Variants in CLTC observed in about 807,000 individuals in gnomAD.
The protein encoded by CLTC is clathrin heavy chain 1.
CLTC carries 16 observed loss-of-function variants against 195.8 expected under a neutral mutation model. That is an observed-to-expected ratio of 0.08 (90% CI 0.06 to 0.12). The LOEUF is 0.12. CLTC is among the 10% of genes least tolerant of loss of function. The probability of loss-of-function intolerance (pLI) is 1.00; values close to 1 mark genes in which losing one functional copy is unlikely to be tolerated. For missense variants in CLTC, 796 were observed against 2,027.0 expected (o/e 0.39, Z 11.66); for synonymous variants, 667 against 689.4 (o/e 0.97, Z 0.51).
At position 59,666,396 on chromosome 17, in the gene CLTC, TTAAACCTTAATCTG is replaced by T. The variant is rs1230286216; in HGVS notation, c.1783-80_1783-67del. The T allele has an allele frequency of 6.5e-7, 1 of 1,533,642 alleles. No individual in the cohort carries two copies. The highest frequency in any genetic ancestry group is 1.4e-5 in the African/African-American group (1 of 72,658). The stretch of plus-strand genomic sequence containing the variant: ...TCTTTTGTACTTTAACAGTTCACTA[TTAAACCTTAATCTG>T]TAATACGGATATTGAATTACTCATG... On this transcript the variant is annotated intron_variant, in intron 11 of 31. Coordinates refer to ENST00000269122, the MANE Select transcript of CLTC (RefSeq NM_004859.4). The surrounding 1 kb of genome is among the most constrained non-coding windows in gnomAD (Gnocchi z 4.9).
intron 1 of CLTC, among the ~76,000 whole-genome samples, chr17:59,641,252 AAC>A (rs1301004972): frequency 6.6e-6 from 1 of 152,196 alleles, no homozygotes; most frequent in Admixed American, 6.6e-5. Context: ...GTAGTAGAAT[AAC>A]ACTACATTCA....
At chr17:59,668,283 A>G (rs1226769720) in intron 13 of CLTC, among the ~76,000 whole-genome samples, 3 of 152,206 alleles carry the variant, frequency 2.0e-5, no homozygotes, top group Non-Finnish European at 4.4e-5. Flanking sequence ...TAGGGGCACA[A>G]TGGTGTATGC....
At position 59,648,980 on chromosome 17, in the gene CLTC, T is replaced by A. The variant is rs1055828331; in HGVS notation, c.681+579T>A. ...AATATAATCTGCATTTTAAATACCTTATATGGCTTGATATAGAGGCAATGT... is the reference window on the plus strand; with the variant it reads ...AATATAATCTGCATTTTAAATACCTAATATGGCTTGATATAGAGGCAATGT... On this transcript the variant is annotated intron_variant, in intron 4 of 31. Transcript: ENST00000269122. The surrounding 1 kb of genome is among the most constrained non-coding windows in gnomAD (Gnocchi z 4.5). Among the ~76,000 whole-genome samples, 5 of 152,196 alleles carry A rather than the reference T, an allele frequency of 3.3e-5. No homozygotes were observed. Among genetic ancestry groups the A allele is most frequent in the Admixed American group, 6.5e-5 (1 of 15,282 alleles).
Position 59,683,352 on chromosome 17 carries a change from C to A in CLTC, c.4042-35C>A. ...ATTCTTTTTAAGGCTGTTAGCTAGA[C>A]TCATATCTAAAGCAATTAAGTCTTT... On this transcript the variant is annotated intron_variant, in intron 25 of 31. Coordinates refer to ENST00000269122, the MANE Select transcript of CLTC (RefSeq NM_004859.4). The surrounding 1 kb of genome is among the most constrained non-coding windows in gnomAD (Gnocchi z 6.1). 1 of 1,603,728 alleles carries A rather than the reference C, an allele frequency of 6.2e-7. No homozygotes were observed. Among genetic ancestry groups the A allele is most frequent in the Non-Finnish European group, 8.5e-7 (1 of 1,174,904 alleles).
intron 2 of CLTC, among the ~76,000 whole-genome samples, chr17:59,644,878 C>T (rs2032149372): frequency 6.6e-6 from 1 of 152,164 alleles, no homozygotes; most frequent in Non-Finnish European, 1.5e-5. Flanking sequence ...TATGCAAGTA[C>T]AATAACTAGG....
Position 59,648,778 on chromosome 17 carries a change from CT to C in CLTC, c.681+378del, listed in dbSNP as rs1405015999. ...GGCGCAGTCATGGGCTCACTGCAGC[CT>C]CGACCTTCTGGGCTCAAGTGATCCC... On this transcript the variant is annotated intron_variant, in intron 4 of 31. Coordinates refer to ENST00000269122, the MANE Select transcript of CLTC (RefSeq NM_004859.4). This position sits in a 1 kb window ranked among gnomAD's most constrained non-coding sequence, Gnocchi z 4.5. 1 of 164,424 alleles carries C rather than the reference CT, an allele frequency of 6.1e-6. No homozygotes were observed. The highest frequency in any genetic ancestry group is 2.4e-5 in the African/African-American group (1 of 41,590). 10.2% of individuals were successfully genotyped at this position (164,424 alleles called of 1,614,324 possible).
intron 1 of CLTC, among the ~76,000 whole-genome samples, chr17:59,628,399 C>A (rs990908297): frequency 6.6e-6 from 1 of 152,184 alleles, no homozygotes; most frequent in Non-Finnish European, 1.5e-5. Flanking sequence ...TAACCCCTTA[C>A]AGGCACTCGA....
chr17:59,644,458 A>G lies in CLTC; in HGVS notation c.225A>G (p.Pro75=). 1 of 1,614,020 alleles carries G rather than the reference A, an allele frequency of 6.2e-7. No homozygotes were observed. Among genetic ancestry groups the G allele is most frequent in the Non-Finnish European group, 8.5e-7 (1 of 1,179,958 alleles). The change falls in exon 2 of 32, where the codon CCA becomes CCG. Residue 75 remains proline, a synonymous_variant. Transcript: ENST00000269122. The part of the protein sequence containing the change: ...PISADSAIMN[P]ASKVIALKAG... ...CAGCAGACAGCGCCATCATGAATCC[A>G]GCTAGCAAAGTAATTGCACTGAAAG...
intron 1 of CLTC, among the ~76,000 whole-genome samples, chr17:59,622,837 C>T (rs746967995): frequency 6.6e-6 from 1 of 152,190 alleles, no homozygotes; most frequent in Non-Finnish European, 1.5e-5. Flanking sequence ...TGTAAATGAA[C>T]TTATTTTTAT....
intron 1 of CLTC, among the ~76,000 whole-genome samples, chr17:59,634,354 T>TC (rs1478714433): frequency 1.3e-5 from 2 of 152,218 alleles, no homozygotes; most frequent in African/African-American, 4.8e-5. Context: ...CATATCCATC[T>TC]CCAAGATTTG....
intron 30 of CLTC, chr17:59,687,064 G>C (rs2033200084): frequency 1.0e-6 from 1 of 961,982 alleles, no homozygotes; most frequent in Non-Finnish European, 1.2e-6. Flanking sequence ...GGAGGACTAA[G>C]TCTAAGGAAT....
chr17:59,687,123 C>T (rs1337061304), intron 30 of CLTC: 8 of 531,886 alleles, frequency 1.5e-5, no homozygotes, highest in African/African-American at 2.1e-5. Context: ...GCTGCTTTTT[C>T]CCCCCAATAA....
intron 1 of CLTC, among the ~76,000 whole-genome samples, chr17:59,635,923 A>G (rs1330620912): frequency 2.0e-5 from 3 of 152,146 alleles, no homozygotes; most frequent in East Asian, 3.9e-4. Flanking sequence ...AGAACAATCT[A>G]TATCGGCCAG....
intron 31 of CLTC, among the ~76,000 whole-genome samples, chr17:59,693,422 T>C (rs2033355061): frequency 6.6e-6 from 1 of 151,902 alleles, no homozygotes; most frequent in South Asian, 2.1e-4. Context: ...CTGATTTTAT[T>C]GTGTCATGAA....
intron 17 of CLTC, among the ~76,000 whole-genome samples, chr17:59,677,430 ACT>A (rs1288149801): frequency 6.6e-6 from 1 of 151,964 alleles, no homozygotes; most frequent in African/African-American, 2.4e-5. Context: ...GTGTTCTCAC[ACT>A]CTTACACTCA....
In CLTC at chr17:59,668,930, A is replaced by G. The variant is rs771059610; in HGVS notation, c.2282A>G (p.Asn761Ser). 1.2e-6 allele frequency: 2 copies of G among 1,608,578 alleles called. No homozygotes were observed. Among genetic ancestry groups the G allele is most frequent in the South Asian group, 1.1e-5 (1 of 90,040 alleles). Residue 761 changes from asparagine (N) to serine (S), a missense_variant, in exon 14 of 32, where the codon AAT becomes AGT. Around this residue, in one of 9 missense-constraint regions of CLTC, gnomAD observed 160 missense variants for 448.2 expected, o/e 0.36. Transcript: ENST00000269122. The part of the protein sequence containing the change: ...SNCYDPERVK[N>S]FLKEAKLTDQ... ...TGCTACGATCCTGAGCGAGTCAAGA[A>G]TTTTCTTAAGGTAAGTGGTTTTGAG...
intron 5 of CLTC, among the ~76,000 whole-genome samples, chr17:59,654,919 A>T (rs7223290): frequency 2.4e-4 from 37 of 152,234 alleles, no homozygotes; most frequent in African/African-American, 8.0e-4. Context: ...TGTCTGTGGT[A>T]GGTTTCTTAG....
intron 1 of CLTC, among the ~76,000 whole-genome samples, chr17:59,636,287 C>T (rs184663354): frequency 2.0e-5 from 3 of 152,162 alleles, no homozygotes; most frequent in Non-Finnish European, 4.4e-5. Context: ...CTGCTTTGCT[C>T]CCTCTCAAGT....
intron 8 of CLTC, among the ~76,000 whole-genome samples, chr17:59,662,211 A>G (rs1278144493): frequency 1.3e-5 from 2 of 152,238 alleles, no homozygotes; most frequent in African/African-American, 4.8e-5. Context: ...TTACATGGAA[A>G]AATATTTAAC....
Sources: gnomAD v4.1 joint callset for allele counts (sites outside exome capture counted in the v4.1 genomes callset) on GRCh38, gnomAD v4.1.1 for gene constraint, gnomAD v4.1.1 regional missense constraint, Gnocchi (gnomAD v3.1) non-coding constraint, MANE v1.5 for transcripts, NCBI Gene and HGNC (gene_info 2026-07-23, HGNC 2026-07-21) for gene names.